Variants in INVS observed in about 807,000 individuals in gnomAD.
The protein encoded by INVS is inversion of embryo turning homolog.
INVS carries 86 observed loss-of-function variants against 108.8 expected under a neutral mutation model. The observed-to-expected ratio is 0.79, with a 90% confidence interval of 0.66 to 0.95. INVS has a LOEUF of 0.95. Among genes scored for constraint, INVS ranks in the 40% least tolerant of loss-of-function variants. The pLI is 0.00. For synonymous variants in INVS, 455 were observed against 473.5 expected (o/e 0.96, Z 0.51); for missense variants, 1,169 against 1,297.4 (o/e 0.90, Z 1.52).
chr9:100,214,176 T>A (rs1830918358), intron 3 of INVS, among the ~76,000 whole-genome samples: 1 of 152,200 alleles, frequency 6.6e-6, no homozygotes, highest in South Asian at 2.1e-4. Context: ...TTGGACTAAA[T>A]CAACTGTGAA....
intron 3 of INVS, among the ~76,000 whole-genome samples, chr9:100,163,922 T>C (rs1362299375): frequency 2.1e-5 from 3 of 144,866 alleles, no homozygotes; most frequent in Non-Finnish European, 3.0e-5. Context: ...GTTATTGAAG[T>C]GTTTGAGCAC....
At chr9:100,217,319 AAGG>A (rs1250534427) in intron 3 of INVS, among the ~76,000 whole-genome samples, 6 of 152,084 alleles carry the variant, frequency 3.9e-5, no homozygotes, top group Non-Finnish European at 5.9e-5. Flanking sequence ...AAAAAAATAA[AAGG>A]AAGAAAGAAA....
chr9:100,273,695 A>C (rs1272940135), intron 12 of INVS, among the ~76,000 whole-genome samples: 6 of 149,008 alleles, frequency 4.0e-5, no homozygotes, highest in African/African-American at 1.2e-4. Context: ...GCGCCACCAC[A>C]CCCGGGTAAT....
At chr9:100,286,715 C>T (rs1252983475) in intron 13 of INVS, among the ~76,000 whole-genome samples, 5 of 152,182 alleles carry the variant, frequency 3.3e-5, no homozygotes, top group African/African-American at 1.2e-4. Context: ...TGTTGAACTT[C>T]CTTGAGTTCT....
intron 3 of INVS, among the ~76,000 whole-genome samples, chr9:100,219,671 T>G (rs1359946892): frequency 6.6e-6 from 1 of 152,148 alleles, no homozygotes; most frequent in Admixed American, 6.5e-5. Flanking sequence ...TGGGTAATCT[T>G]GAAAAATGAG....
At chr9:100,104,390 G>T in intron 1 of INVS, 108 bp from the exon 2 acceptor site, 1 of 709,404 alleles carries the variant, frequency 1.4e-6, no homozygotes, top group East Asian at 2.7e-5. Flanking sequence ...TCTAATCCTA[G>T]TCAAGTATTT....
At chr9:100,208,785 G>T (rs896278818) in intron 3 of INVS, among the ~76,000 whole-genome samples, 1 of 152,140 alleles carries the variant, frequency 6.6e-6, no homozygotes, top group African/African-American at 2.4e-5. Context: ...TCAGTAAGAA[G>T]AACAGGCTAC....
intron 2 of INVS, among the ~76,000 whole-genome samples, chr9:100,111,183 A>G (rs1827326793): frequency 6.6e-6 from 1 of 152,242 alleles, no homozygotes; most frequent in African/African-American, 2.4e-5. Context: ...CTTGGATGCC[A>G]TGCAAATATA....
At chr9:100,256,608 G>A (rs1452777982) in intron 10 of INVS, among the ~76,000 whole-genome samples, 3 of 152,078 alleles carry the variant, frequency 2.0e-5, no homozygotes, top group Non-Finnish European at 2.9e-5. Flanking sequence ...AGATTCTGGT[G>A]TGTTGTGTCT....
At chr9:100,173,777 A>G (rs1345999240) in intron 3 of INVS, among the ~76,000 whole-genome samples, 2 of 152,110 alleles carry the variant, frequency 1.3e-5, no homozygotes, top group African/African-American at 2.4e-5. Flanking sequence ...GAACAGAGAA[A>G]TTCATATAAG....
chr9:100,223,388 C>A (rs551020659), intron 3 of INVS, among the ~76,000 whole-genome samples: 32 of 152,258 alleles, frequency 2.1e-4, no homozygotes, highest in African/African-American at 7.7e-4. Flanking sequence ...TGAGCCACCA[C>A]TCCCAGGCTT....
Position 100,118,072 on chromosome 9 carries a change from T to C in INVS, c.107-8311T>C, listed in dbSNP as rs1444061006. Reference sequence around the variant, plus strand: ...GACAGATTTTTTCTTTTTTTTTCTTTTTTTTTTTTTTTAGATATGGGGTCT... The same window carrying C: ...GACAGATTTTTTCTTTTTTTTTCTTCTTTTTTTTTTTTAGATATGGGGTCT... On this transcript the variant is annotated intron_variant, in intron 2 of 16. Transcript: ENST00000262457. 2.0e-5 allele frequency among the ~76,000 whole-genome samples: 3 copies of C among 150,752 alleles called. No individual in the cohort carries two copies. In the East Asian group the frequency reaches 5.8e-4, roughly 29 times the overall value.
chr9:100,100,363 A>C (rs1826787433), intron 1 of INVS, among the ~76,000 whole-genome samples: 2 of 151,088 alleles, frequency 1.3e-5, no homozygotes, highest in South Asian at 4.2e-4. Context: ...CACGCCCCTG[A>C]CAGAGCCCAA....
At chr9:100,156,001 T>C (rs1407880007) in intron 3 of INVS, among the ~76,000 whole-genome samples, 1 of 152,156 alleles carries the variant, frequency 6.6e-6, no homozygotes, top group Non-Finnish European at 1.5e-5. Context: ...CCAGATTGTG[T>C]CTCTCAATAC....
chr9:100,134,367 C>T (rs1034316407), intron 3 of INVS, among the ~76,000 whole-genome samples: 1 of 152,118 alleles, frequency 6.6e-6, no homozygotes, highest in East Asian at 1.9e-4. Flanking sequence ...GGGTTGGTTC[C>T]ACAATTTTGC....
intron 10 of INVS, 114 bp downstream of exon 10, chr9:100,253,250 C>T: frequency 2.6e-6 from 2 of 770,930 alleles, no homozygotes; most frequent in Non-Finnish European, 4.4e-6. Context: ...ACCCACAAAT[C>T]CATCTGTTAA....
At chr9:100,116,865 T>A in intron 2 of INVS, 1 of 1,264,762 alleles carries the variant, frequency 7.9e-7, no homozygotes, top group Non-Finnish European at 1.1e-6. Context: ...AATACAATCT[T>A]CCAGAGGTCG....
chr9:100,141,994 C>T (rs888036253), intron 3 of INVS, among the ~76,000 whole-genome samples: 4 of 152,032 alleles, frequency 2.6e-5, no homozygotes, highest in Admixed American at 6.5e-5. Context: ...GAGTGACTGA[C>T]GTGAAGGAGA....
intron 3 of INVS, among the ~76,000 whole-genome samples, chr9:100,157,431 A>AT (rs892323304): frequency 3.3e-5 from 5 of 151,100 alleles, no homozygotes; most frequent in Admixed American, 6.6e-5. Flanking sequence ...CGCCTGGCTA[A>AT]TTTTTTTTGT....
Sources: allele counts gnomAD v4.1 joint callset (sites outside exome capture counted in the v4.1 genomes callset), GRCh38; gene constraint gnomAD v4.1.1; transcripts MANE v1.5; gene names NCBI Gene and HGNC (gene_info 2026-07-23, HGNC 2026-07-21).